Variants in FAM193A observed in about 807,000 individuals in gnomAD.
FAM193A encodes protein FAM193A.
FAM193A carries 22 observed loss-of-function variants against 126.5 expected under a neutral mutation model. The ratio of observed to expected loss-of-function variants is 0.17; its 90% CI spans 0.12 to 0.25. The LOEUF is 0.25. FAM193A is among the 10% of genes least tolerant of loss of function. FAM193A has a pLI of 1.00. For missense variants in FAM193A, 1,675 were observed against 1,672.8 expected, an observed-to-expected ratio of 1.00 and a Z score of -0.02; for synonymous variants, 761 against 646.8, an observed-to-expected ratio of 1.18 and a Z score of -2.68.
intron 13 of FAM193A, among the ~76,000 whole-genome samples, chr4:2,675,668 A>G (rs898100977): frequency 2.0e-5 from 3 of 152,192 alleles, no homozygotes; most frequent in Admixed American, 2.0e-4. Flanking sequence ...AAAATTTACA[A>G]TCTTAACCAT....
At chr4:2,616,660 C>T (rs915429076) in intron 2 of FAM193A, among the ~76,000 whole-genome samples, 17 of 151,700 alleles carry the variant, frequency 1.1e-4, no homozygotes, top group African/African-American at 2.9e-4. Context: ...TCCAGGTTCA[C>T]GCCATTCTCC....
chr4:2,550,428 G>A lies in FAM193A; in HGVS notation c.255+13258G>A, dbSNP rs532325138. Among the ~76,000 whole-genome samples, 73 of 151,606 alleles carry A rather than the reference G, an allele frequency of 4.8e-4. 2 individuals are homozygous for A. The highest frequency in any genetic ancestry group is 3.4e-3 in the Middle Eastern group (1 of 294). On this transcript the variant is annotated intron_variant, in intron 1 of 20. Coordinates refer to ENST00000637812, the MANE Select transcript of FAM193A (RefSeq NM_001366318.2). ...TTCCTAGAATGAACCCCTCTTGGTC[G>A]TTTGTTTGTTTGTTTGTTTATTTTT...
At chr4:2,695,333 A>T (rs2109289035) in intron 17 of FAM193A, among the ~76,000 whole-genome samples, 1 of 152,310 alleles carries the variant, frequency 6.6e-6, no homozygotes, top group African/African-American at 2.4e-5. Context: ...TTTTTAAGGT[A>T]ACTGGTAAAT....
chr4:2,699,436 A>ACC (rs111815931), intron 18 of FAM193A, among the ~76,000 whole-genome samples: 3,329 of 60,640 alleles, frequency 0.055, 355 homozygotes, highest in Middle Eastern at 0.085. Context: ...GTTAACTACC[A>ACC]CCCCCCCCCC....
intron 12 of FAM193A, among the ~76,000 whole-genome samples, chr4:2,663,691 G>A (rs560846540): frequency 6.6e-6 from 1 of 152,246 alleles, no homozygotes; most frequent in Non-Finnish European, 1.5e-5. Context: ...TTTTGGCCGG[G>A]CGCAGTGGCT....
chr4:2,652,080 G>T (rs76565565), intron 7 of FAM193A, among the ~76,000 whole-genome samples: 1 of 152,212 alleles, frequency 6.6e-6, no homozygotes, highest in African/African-American at 2.4e-5. Context: ...ATCTGTCCCT[G>T]ACTGGGGCTG....
intron 3 of FAM193A, 98 bp downstream of exon 3, chr4:2,625,493 C>T (rs1418990354): frequency 3.5e-6 from 2 of 577,218 alleles, no homozygotes; most frequent in African/African-American, 3.7e-5. Flanking sequence ...ATGTGACAGA[C>T]AGCAACAAGA....
chr4:2,708,348 C>T, intron 19 of FAM193A: 1 of 235,400 alleles, frequency 4.2e-6, no homozygotes, highest in South Asian at 3.7e-5. Context: ...TGGTCTACAA[C>T]TCCTGACCTC....
intron 1 of FAM193A, among the ~76,000 whole-genome samples, chr4:2,550,780 T>G (rs1269613186): frequency 0.15 from 2,767 of 18,502 alleles, 114 homozygotes; most frequent in African/African-American, 0.35. Context: ...TTTTTATTTA[T>G]TTATTTATTT....
At chr4:2,615,034 T>G (rs947938192) in intron 2 of FAM193A, 1 of 152,220 alleles carries the variant, frequency 6.6e-6, no homozygotes, top group Non-Finnish European at 1.5e-5. Flanking sequence ...GAACCACATT[T>G]TGTTTTAATT....
rs914152998 is a variant in FAM193A at position 2,732,223 on chromosome 4, G to A, written c.*355G>A. On this transcript the variant is annotated 3_prime_UTR_variant, in exon 21 of 21. Transcript: ENST00000637812. The stretch of plus-strand genomic sequence containing the variant: ...TGCATTGCGCCCTGTCCTGTCATGT[G>A]TCCTCACCGGGGTATCGGCCGTCAC... 2.1e-5 allele frequency: 6 copies of A among 283,946 alleles called. No individual in the cohort carries two copies. Among genetic ancestry groups the A allele is most frequent in the Non-Finnish European group, 4.1e-5 (6 of 144,944 alleles). 17.6% of individuals were successfully genotyped at this position (283,946 alleles called of 1,614,324 possible). A position where few individuals can be genotyped will look rare whatever the true frequency, so the allele number is the denominator to read the frequency against.
chr4:2,690,590 C>T, intron 14 of FAM193A, 108 bp from the exon 15 acceptor site: 3 of 1,045,470 alleles, frequency 2.9e-6, no homozygotes, highest in Non-Finnish European at 4.2e-6. Context: ...GGGATCCTGA[C>T]TTCAGTAGCA....
chr4:2,640,824 G>A (rs1017459737), intron 6 of FAM193A, among the ~76,000 whole-genome samples: 2 of 151,896 alleles, frequency 1.3e-5, no homozygotes, highest in Non-Finnish European at 2.9e-5. Context: ...AATTAGCCGG[G>A]CTTGGTGGCA....
At chr4:2,706,291 CTTTTTTTTTTT>C (rs59143784) in intron 19 of FAM193A, among the ~76,000 whole-genome samples, 1 of 108,586 alleles carries the variant, frequency 9.2e-6, no homozygotes. Context: ...TTCTTTCTTT[CTTTTTTTTTTT>C]TTTTTTTTTT....
chr4:2,614,075 C>T lies in FAM193A; in HGVS notation c.502-11187C>T, dbSNP rs142754646. ...GGCCTGAGCCACCGCACCCGGCCTTCCTTAAAATTTTCTATGTAGATGATC... is the reference window on the plus strand; with the variant it reads ...GGCCTGAGCCACCGCACCCGGCCTTTCTTAAAATTTTCTATGTAGATGATC... On this transcript the variant is annotated intron_variant, in intron 2 of 20. Coordinates refer to ENST00000637812, the MANE Select transcript of FAM193A (RefSeq NM_001366318.2). 9.8e-3 allele frequency among the ~76,000 whole-genome samples: 1,490 copies of T among 152,208 alleles called. 12 individuals carry two copies. Among genetic ancestry groups the T allele is most frequent in the Non-Finnish European group, 0.016 (1,103 of 68,006 alleles).
chr4:2,551,624 C>T (rs1479447387), intron 1 of FAM193A, among the ~76,000 whole-genome samples: 2 of 152,092 alleles, frequency 1.3e-5, no homozygotes. Context: ...GTAGTGATGT[C>T]TGCCCTTTCA....
intron 1 of FAM193A, among the ~76,000 whole-genome samples, chr4:2,577,703 GCCA>G (rs1739689970): frequency 6.6e-6 from 1 of 152,060 alleles, no homozygotes; most frequent in East Asian, 1.9e-4. Context: ...ACAGGTGTCA[GCCA>G]CCACACCTGA....
chr4:2,676,412 T>G (rs1003579820), intron 13 of FAM193A, among the ~76,000 whole-genome samples: 1 of 152,232 alleles, frequency 6.6e-6, no homozygotes, highest in Non-Finnish European at 1.5e-5. Context: ...ATTTCCTTAG[T>G]GTTTAGTGAT....
chr4:2,694,913 C>T (rs1177465131), intron 16 of FAM193A, 33 bp from the exon 17 acceptor site: 2 of 1,550,092 alleles, frequency 1.3e-6, no homozygotes, highest in Non-Finnish European at 8.7e-7. Flanking sequence ...CCGGGCCGGC[C>T]ACTTGCTGAT....
Sources: gnomAD v4.1 joint callset for allele counts (sites outside exome capture counted in the v4.1 genomes callset) on GRCh38, gnomAD v4.1.1 for gene constraint, MANE v1.5 for transcripts, NCBI Gene and HGNC (gene_info 2026-07-23, HGNC 2026-07-21) for gene names.